Variants in SLC9A8 observed in about 807,000 individuals in gnomAD.
SLC9A8 encodes the protein solute carrier family 9 member A8.
A neutral mutation model predicts 66.6 loss-of-function variants in SLC9A8; 48 were observed. The observed-to-expected ratio is 0.72, with a 90% CI of 0.57 to 0.92. The LOEUF (loss-of-function observed/expected upper bound fraction) is 0.92, where lower values mean the gene tolerates loss of function less well. SLC9A8 is among the 40% of genes least tolerant of loss of function. SLC9A8 has a pLI of 0.00. For missense variants in SLC9A8, 599 were observed against 747.3 expected, an observed-to-expected ratio of 0.80 and a Z score of 2.31; for synonymous variants, 274 against 282.6, an observed-to-expected ratio of 0.97 and a Z score of 0.31.
intron 10 of SLC9A8, among the ~76,000 whole-genome samples, chr20:49,866,742 T>C (rs1244998027): frequency 6.6e-6 from 1 of 152,204 alleles, no homozygotes; most frequent in Non-Finnish European, 1.5e-5. Flanking sequence ...GAGACTTCAG[T>C]TTACTCCAGT....
intron 14 of SLC9A8, among the ~76,000 whole-genome samples, chr20:49,884,305 C>CACACACACACG: frequency 7.2e-6 from 1 of 138,778 alleles, no homozygotes; most frequent in Non-Finnish European, 1.6e-5. Flanking sequence ...CACACACACA[C>CACACACACACG]ACACACACAC....
At chr20:49,884,628 G>T (rs2089823966) in intron 14 of SLC9A8, among the ~76,000 whole-genome samples, 1 of 151,990 alleles carries the variant, frequency 6.6e-6, no homozygotes, top group South Asian at 2.1e-4. Context: ...ACCACCTGTT[G>T]GGGGCCTGAG....
chr20:49,848,971 C>G (rs1390450016), intron 5 of SLC9A8, among the ~76,000 whole-genome samples: 1 of 152,122 alleles, frequency 6.6e-6, no homozygotes, highest in Non-Finnish European at 1.5e-5. Flanking sequence ...GACATCAGTA[C>G]ATAAATAAGT....
At chr20:49,882,266 G>A (rs920718409) in intron 13 of SLC9A8, among the ~76,000 whole-genome samples, 8 of 152,162 alleles carry the variant, frequency 5.3e-5, no homozygotes, top group African/African-American at 9.7e-5. Flanking sequence ...GCCTGTCCAC[G>A]GGGCTGGAAT....
chr20:49,830,023 GGCT>G, intron 3 of SLC9A8: 1 of 651,410 alleles, frequency 1.5e-6, no homozygotes, highest in Non-Finnish European at 3.0e-6. Flanking sequence ...CCGGACCAGT[GGCT>G]GCATTTAAAT....
chr20:49,818,934 T>C (rs2086645189), intron 2 of SLC9A8, among the ~76,000 whole-genome samples: 1 of 152,248 alleles, frequency 6.6e-6, no homozygotes, highest in South Asian at 2.1e-4. Flanking sequence ...GGAATTCATT[T>C]GCCACTTTTT....
chr20:49,873,102 A>G (rs1180805059), intron 10 of SLC9A8, among the ~76,000 whole-genome samples: 1 of 152,232 alleles, frequency 6.6e-6, no homozygotes, highest in African/African-American at 2.4e-5. Flanking sequence ...CTCTGAAGAA[A>G]AGATGCATTA....
intron 10 of SLC9A8, among the ~76,000 whole-genome samples, chr20:49,870,448 G>C (rs572122658): frequency 6.6e-6 from 1 of 152,310 alleles, no homozygotes; most frequent in East Asian, 1.9e-4. Context: ...AGGGAAGGAG[G>C]GTTTTGGCAG....
Position 49,888,008 on chromosome 20 carries a change from C to A in SLC9A8, c.*72C>A. The A allele has an allele frequency of 8.2e-7, 1 of 1,216,322 alleles. No individual in the cohort carries two copies. Among genetic ancestry groups the A allele is most frequent in the Non-Finnish European group, 1.2e-6 (1 of 825,038 alleles). The allele number at this position is 1,216,322 out of a possible 1,614,324, so 75.3% of individuals were successfully genotyped here. ...GCTGCGCACAGACACTCAGCAGGGG[C>A]CTCGCAGAGATGCGTGCATCCAGCA... On this transcript the variant is annotated 3_prime_UTR_variant, in exon 16 of 16. Transcript: ENST00000361573.
At chr20:49,874,682 T>G (rs748433178) in intron 10 of SLC9A8, 23 bp from the exon 11 acceptor site, 1 of 1,428,456 alleles carries the variant, frequency 7.0e-7, no homozygotes, top group Non-Finnish European at 9.9e-7. Flanking sequence ...CAGTGCTTTC[T>G]GTTCTGTTCT....
chr20:49,836,381 C>T (rs1291696252), intron 3 of SLC9A8, among the ~76,000 whole-genome samples: 1 of 152,032 alleles, frequency 6.6e-6, no homozygotes, highest in East Asian at 1.9e-4. Flanking sequence ...TCACCCAGGC[C>T]GGAGTGCAGT....
chr20:49,887,331 G>A (rs1167073720), intron 15 of SLC9A8, among the ~76,000 whole-genome samples: 3 of 152,062 alleles, frequency 2.0e-5, no homozygotes, highest in Admixed American at 6.5e-5. Context: ...GCTGCTGCCC[G>A]CTTTGTTTCC....
At chr20:49,814,876 C>G in intron 1 of SLC9A8, 132 bp from the exon 2 acceptor site, 1 of 631,568 alleles carries the variant, frequency 1.6e-6, no homozygotes, top group Non-Finnish European at 2.5e-6. Context: ...AAGTTTCTCT[C>G]GAAGGCCTGC....
At chr20:49,876,971 C>T (rs2089449338) in intron 11 of SLC9A8, among the ~76,000 whole-genome samples, 1 of 152,096 alleles carries the variant, frequency 6.6e-6, no homozygotes, top group African/African-American at 2.4e-5. Flanking sequence ...AACAGCCTTG[C>T]TGTTTGTGAT....
chr20:49,825,584 T>C (rs1318045331), intron 3 of SLC9A8, among the ~76,000 whole-genome samples: 1 of 152,070 alleles, frequency 6.6e-6, no homozygotes, highest in African/African-American at 2.4e-5. Flanking sequence ...GGAAGTTGCA[T>C]TGAGCTCCAG....
chr20:49,834,382 T>TATACAC (rs2087402542), intron 3 of SLC9A8, among the ~76,000 whole-genome samples: 1 of 44,680 alleles, frequency 2.2e-5, no homozygotes, highest in Non-Finnish European at 4.0e-5. Context: ...TATATATATA[T>TATACAC]ACTGTGTATA....
intron 5 of SLC9A8, among the ~76,000 whole-genome samples, chr20:49,849,350 G>A (rs1018221369): frequency 2.2e-4 from 33 of 152,186 alleles, no homozygotes; most frequent in African/African-American, 7.7e-4. Context: ...GAGGAGACTT[G>A]TGCGAAGCTA....
intron 10 of SLC9A8, among the ~76,000 whole-genome samples, chr20:49,871,227 G>A (rs2089195213): frequency 6.6e-6 from 1 of 152,196 alleles, no homozygotes; most frequent in Non-Finnish European, 1.5e-5. Flanking sequence ...CAAGAAGTAT[G>A]TTATATTTTA....
At chr20:49,824,130 C>T (rs1555828150) in intron 3 of SLC9A8, among the ~76,000 whole-genome samples, 1 of 152,198 alleles carries the variant, frequency 6.6e-6, no homozygotes, top group Non-Finnish European at 1.5e-5. Context: ...GTGCCAGATC[C>T]TGGCTTGTGA....
Sources: allele counts gnomAD v4.1 joint callset (sites outside exome capture counted in the v4.1 genomes callset), GRCh38; gene constraint gnomAD v4.1.1; transcripts MANE v1.5; gene names NCBI Gene and HGNC (gene_info 2026-07-23, HGNC 2026-07-21).